Variants in TMPRSS15 observed in about 807,000 individuals in gnomAD.
The protein encoded by TMPRSS15 is enteropeptidase.
TMPRSS15 carries 128 observed loss-of-function variants against 125.3 expected under a neutral mutation model. The observed-to-expected ratio is 1.02, with a 90% confidence interval of 0.89 to 1.18. The LOEUF (loss-of-function observed/expected upper bound fraction) is 1.18, where lower values mean the gene tolerates loss of function less well. Among genes scored for constraint, TMPRSS15 ranks in the 50% most tolerant of loss-of-function variants. TMPRSS15 has a pLI of 0.00. For missense variants in TMPRSS15, 1,283 were observed against 1,212.7 expected (o/e 1.06, Z -0.86); for synonymous variants, 446 against 423.2 (o/e 1.05, Z -0.66).
intron 5 of TMPRSS15, 53 bp downstream of exon 5, chr21:18,379,230 G>T: frequency 1.1e-6 from 1 of 902,364 alleles, no homozygotes; most frequent in Non-Finnish European, 1.5e-6. Context: ...AAAATAAAAT[G>T]TATAAGAGAA....
chr21:18,414,876 C>T (rs1251267579), intron 1 of TMPRSS15, among the ~76,000 whole-genome samples: 1 of 151,972 alleles, frequency 6.6e-6, no homozygotes, highest in Admixed American at 6.6e-5. Context: ...GGATATATAC[C>T]CAGAAGTGGG....
rs2076059382 is a variant in TMPRSS15, at chr21:18,398,282, T to C, written c.193A>G (p.Thr65Ala). 6.2e-7 allele frequency: 1 copy of C among 1,613,776 alleles called. No individual in the cohort carries two copies. Among genetic ancestry groups the C allele is most frequent in the Non-Finnish European group, 8.5e-7 (1 of 1,179,812 alleles). ...SHEARATFKI[T>A]SGVTYNPNLQ... ...TTAGGATTATATGTAACTCCGGATG[T>C]TATTTTAAATGTCGCTCTGGCTTCA... Residue 65 changes from threonine (T) to alanine (A), a missense_variant, in exon 2 of 25, where the codon ACA becomes GCA. Physicochemically the swap from Thr to Ala is moderately conservative, Grantham distance 58 (BLOSUM62 0). Coordinates refer to ENST00000284885, the MANE Select transcript of TMPRSS15 (RefSeq NM_002772.3).
chr21:18,444,141 C>T (rs2076249708), intron 1 of TMPRSS15, among the ~76,000 whole-genome samples: 1 of 152,190 alleles, frequency 6.6e-6, no homozygotes. Context: ...CGTAGTCCTA[C>T]TTCAGCCTGA....
intron 18 of TMPRSS15, among the ~76,000 whole-genome samples, chr21:18,308,985 T>C (rs1005979852): frequency 2.0e-5 from 3 of 152,220 alleles, no homozygotes; most frequent in African/African-American, 7.2e-5. Flanking sequence ...CTTTATCCAG[T>C]CTATCACTGA....
chr21:18,271,594 T>C (rs1470478324), intron 24 of TMPRSS15, among the ~76,000 whole-genome samples: 1 of 152,138 alleles, frequency 6.6e-6, no homozygotes, highest in Non-Finnish European at 1.5e-5. Flanking sequence ...AATTTTCTTT[T>C]CTTTTCTTTT....
chr21:18,280,575 C>CAAAAAAAAAAAAAAAAAAAAAAAAA (rs1230513414), intron 22 of TMPRSS15, among the ~76,000 whole-genome samples: 19 of 48,314 alleles, frequency 3.9e-4, no homozygotes, highest in African/African-American at 1.4e-3. Flanking sequence ...GACTCCGTCT[C>CAAAAAAAAAAAAAAAAAAAAAAAAA]AAAAAAAAAA....
intron 10 of TMPRSS15, among the ~76,000 whole-genome samples, chr21:18,348,182 C>CAAAAAAAAAAAAAAAATAATAATAATAA: frequency 4.6e-5 from 7 of 152,024 alleles, no homozygotes; most frequent in African/African-American, 1.7e-4. Context: ...GATCCTGTCT[C>CAAAAAAAAAAAAAAAATAATAATAATAA]TAAACAAATA....
chr21:18,379,372 G>A (rs1169628150), intron 4 of TMPRSS15, 54 bp from the exon 5 acceptor site: 3 of 805,110 alleles, frequency 3.7e-6, no homozygotes, highest in East Asian at 3.2e-5. Flanking sequence ...CTAATTACCA[G>A]GAATTTATTG....
At chr21:18,360,624 G>C (rs563604124) in intron 7 of TMPRSS15, among the ~76,000 whole-genome samples, 1 of 152,080 alleles carries the variant, frequency 6.6e-6, no homozygotes, top group South Asian at 2.1e-4. Context: ...TTTATAGTGG[G>C]CTTTCTATTC....
chr21:18,418,176 T>C (rs1312298014), intron 1 of TMPRSS15, among the ~76,000 whole-genome samples: 1 of 152,208 alleles, frequency 6.6e-6, no homozygotes, highest in Non-Finnish European at 1.5e-5. Flanking sequence ...TATGGTTTCA[T>C]TTCACCCATT....
In TMPRSS15 at chr21:18,326,502, G is replaced by A; in HGVS notation, c.1851C>T (p.Ile617=). The change falls in exon 16 of 25, where the codon ATC becomes ATT. Residue 617 remains isoleucine (I), a synonymous_variant. Coordinates refer to ENST00000284885, the MANE Select transcript of TMPRSS15 (RefSeq NM_002772.3). The part of the protein sequence containing the change: ...STTNRMTVLL[I]TNDVLARGGF... ...CTCCTCTTGCCAACACATCGTTAGT[G>A]ATGAGAAGCACAGTCATTCTGTTGG... 6.2e-7 allele frequency: 1 copy of A among 1,614,136 alleles called. No individual in the cohort carries two copies. Among genetic ancestry groups the A allele is most frequent in the Non-Finnish European group, 8.5e-7 (1 of 1,179,990 alleles).
At chr21:18,343,873 G>A (rs2075476919) in intron 11 of TMPRSS15, 82 bp downstream of exon 11, 3 of 1,360,152 alleles carry the variant, frequency 2.2e-6, no homozygotes, top group Non-Finnish European at 3.2e-6. Flanking sequence ...CAACATCTTA[G>A]TGAAATATGA....
intron 1 of TMPRSS15, among the ~76,000 whole-genome samples, chr21:18,470,858 C>A (rs1311701038): frequency 6.6e-6 from 1 of 151,970 alleles, no homozygotes; most frequent in Non-Finnish European, 1.5e-5. Flanking sequence ...TGAAGGTTTT[C>A]CATGGAGATA....
intron 1 of TMPRSS15, among the ~76,000 whole-genome samples, chr21:18,415,080 A>G (rs1601454978): frequency 6.6e-6 from 1 of 151,620 alleles, no homozygotes; most frequent in Admixed American, 6.6e-5. Context: ...CATTCATTGT[A>G]GTTTCGATTT....
At chr21:18,404,492 T>C (rs1337128232), upstream of TMPRSS15, among the ~76,000 whole-genome samples, 1 of 152,202 alleles carries the variant, frequency 6.6e-6, no homozygotes, top group Non-Finnish European at 1.5e-5. Flanking sequence ...ATCATAGTTA[T>C]AGTTGTAGAT....
At chr21:18,454,952 C>T (rs1192647149) in intron 1 of TMPRSS15, among the ~76,000 whole-genome samples, 1 of 152,126 alleles carries the variant, frequency 6.6e-6, no homozygotes, top group Non-Finnish European at 1.5e-5. Flanking sequence ...TGTCCCCACC[C>T]AAATCTCATC....
chr21:18,307,949 C>T (rs141239090), intron 18 of TMPRSS15, among the ~76,000 whole-genome samples: 1 of 152,218 alleles, frequency 6.6e-6, no homozygotes, highest in African/African-American at 2.4e-5. Flanking sequence ...TGGTGATCTG[C>T]GAAAAGTGAT....
chr21:18,342,977 T>C (rs904771928), intron 12 of TMPRSS15, among the ~76,000 whole-genome samples: 7 of 152,220 alleles, frequency 4.6e-5, no homozygotes, highest in Admixed American at 2.0e-4. Flanking sequence ...CATTAAAGTG[T>C]TATTTGAAAA....
intron 3 of TMPRSS15, among the ~76,000 whole-genome samples, chr21:18,393,370 A>T (rs1009258686): frequency 6.6e-6 from 1 of 152,222 alleles, no homozygotes; most frequent in African/African-American, 2.4e-5. Flanking sequence ...AAAATATACT[A>T]ATAATCATGA....
Sources: gnomAD v4.1 joint callset for allele counts (sites outside exome capture counted in the v4.1 genomes callset) on GRCh38, gnomAD v4.1.1 for gene constraint, MANE v1.5 for transcripts, NCBI Gene and HGNC (gene_info 2026-07-23, HGNC 2026-07-21) for gene names.